SMTNL2: variants seen among roughly 807,000 people sequenced by gnomAD.
SMTNL2 encodes the protein smoothelin like 2.
SMTNL2 carries 43 observed loss-of-function variants against 44.1 expected under a neutral mutation model. The ratio of observed to expected loss-of-function variants is 0.98; its 90% CI spans 0.76 to 1.26. The LOEUF (loss-of-function observed/expected upper bound fraction) is 1.26. SMTNL2 is among the 50% of genes most tolerant of loss of function. SMTNL2 has a pLI of 0.00. For missense variants in SMTNL2, 646 were observed against 670.2 expected (o/e 0.96, Z 0.40); for synonymous variants, 317 against 287.6 (o/e 1.10, Z -1.03).
intron 6 of SMTNL2, 30 bp downstream of exon 6, chr17:4,597,007 G>T (rs1253146015): frequency 6.7e-7 from 1 of 1,482,144 alleles, no homozygotes; most frequent in Non-Finnish European, 9.0e-7. Context: ...CGGCTGCTGG[G>T]ACGCCCCAGC....
rs1909968397 is a variant in SMTNL2, at chr17:4,600,050, T to TCGG, written c.1259+2728_1259+2730dup. ...TCCACCGCAGGCCTGTGCCGGGGGGTCGGGGGAGTTTGCTCAGAGCCTGGG... is the reference window on the plus strand; with the variant it reads ...TCCACCGCAGGCCTGTGCCGGGGGGTCGGCGGGGGAGTTTGCTCAGAGCCTGGG... On this transcript the variant is annotated intron_variant, in intron 7 of 7. Coordinates refer to ENST00000389313, the MANE Select transcript of SMTNL2 (RefSeq NM_001114974.2). The surrounding 1 kb of genome is among the most constrained non-coding windows in gnomAD (Gnocchi z 4.7). Among the ~76,000 whole-genome samples the TCGG allele has an allele frequency of 6.6e-6, 1 of 151,108 alleles. No homozygotes were observed. The highest frequency in any genetic ancestry group is 1.5e-5 in the Non-Finnish European group (1 of 67,806).
At chr17:4,585,246 T>C (rs1909301287) in intron 1 of SMTNL2, among the ~76,000 whole-genome samples, 1 of 152,202 alleles carries the variant, frequency 6.6e-6, no homozygotes, top group African/African-American at 2.4e-5. Context: ...CCAGGCTCTG[T>C]TTGCTCAGAG....
At chr17:4,601,421 A>AG (rs1433768574) in intron 7 of SMTNL2, among the ~76,000 whole-genome samples, 1 of 151,604 alleles carries the variant, frequency 6.6e-6, no homozygotes, top group Non-Finnish European at 1.5e-5. Context: ...TCTCAAAAAA[A>AG]AAAATGTAGT....
rs1372270607 is a variant in SMTNL2 at position 4,600,266 on chromosome 17, C to T, written c.1259+2943C>T. ...AGGGACACCTGCCTGAGGGTACTAG[C>T]TGTCAGTGTCCTCACCGATGTTCCT... On this transcript the variant is annotated intron_variant, in intron 7 of 7. Transcript: ENST00000389313. This position sits in a 1 kb window ranked among gnomAD's most constrained non-coding sequence, Gnocchi z 4.7. Among the ~76,000 whole-genome samples the T allele has an allele frequency of 1.3e-5, 2 of 152,182 alleles. No homozygotes were observed. Among genetic ancestry groups the T allele is most frequent in the South Asian group, 4.1e-4 (2 of 4,836 alleles).
rs760973903 is a variant in SMTNL2 at position 4,607,524 on chromosome 17, G to A, written c.*37G>A. On this transcript the variant is annotated 3_prime_UTR_variant, in exon 8 of 8. Transcript: ENST00000389313. The surrounding 1 kb of genome is among the most constrained non-coding windows in gnomAD (Gnocchi z 4.7). ...CTGGATTGCCAAAGAGCAGCCCCAG[G>A]AAGAGGCCGGGGGTCCGCTTGCGAT... The A allele has an allele frequency of 6.2e-7, 1 of 1,607,018 alleles. No individual in the cohort carries two copies. The highest frequency in any genetic ancestry group is 1.1e-5 in the South Asian group (1 of 90,774).
intron 4 of SMTNL2, 198 bp from the exon 5 acceptor site, chr17:4,594,947 A>T: frequency 1.5e-6 from 1 of 685,384 alleles, no homozygotes. Context: ...AGTTGAGCCT[A>T]TTGGCCAGTC....
At position 4,592,539 on chromosome 17, in the gene SMTNL2, C is replaced by CT; in HGVS notation, c.487+92dup. The stretch of plus-strand genomic sequence containing the variant: ...TATCTGTGCCAGGCTGGCCCTTGGC[C>CT]TGGCATCGGGGGGACTCTATCCTGA... On this transcript the variant is annotated intron_variant, in intron 2 of 7. Coordinates refer to ENST00000389313, the MANE Select transcript of SMTNL2 (RefSeq NM_001114974.2). The surrounding 1 kb of genome is among the most constrained non-coding windows in gnomAD (Gnocchi z 4.5). 2.4e-6 allele frequency: 3 copies of CT among 1,272,562 alleles called. No homozygotes were observed. The highest frequency in any genetic ancestry group is 2.2e-6 in the Non-Finnish European group (2 of 917,468). The allele number at this position is 1,272,562 out of a possible 1,614,324, so 78.8% of individuals were successfully genotyped here.
rs1446796996 is a variant in SMTNL2 at position 4,595,939 on chromosome 17, G to C, written c.989+612G>C. Among the ~76,000 whole-genome samples, 1 of 150,128 alleles carries C rather than the reference G, an allele frequency of 6.7e-6. No homozygotes were observed. Among genetic ancestry groups the C allele is most frequent in the Non-Finnish European group, 1.5e-5 (1 of 67,542 alleles). On this transcript the variant is annotated intron_variant, in intron 5 of 7. Coordinates refer to ENST00000389313, the MANE Select transcript of SMTNL2 (RefSeq NM_001114974.2). The surrounding 1 kb of genome is among the most constrained non-coding windows in gnomAD (Gnocchi z 5.1). ...TGGTATTGATGTCTGCTGTGTGCAG[G>C]GTGTGGCCCAAGCGTGGTATTGATG...
chr17:4,593,370 A>G (rs1324318454), intron 3 of SMTNL2, among the ~76,000 whole-genome samples, 199 bp downstream of exon 3: 1 of 152,256 alleles, frequency 6.6e-6, no homozygotes, highest in African/African-American at 2.4e-5. Context: ...AAATAGCGTC[A>G]TCCCCTGGTG....
At chr17:4,605,188 G>A (rs1270864870) in intron 7 of SMTNL2, among the ~76,000 whole-genome samples, 1 of 137,820 alleles carries the variant, frequency 7.3e-6, no homozygotes, top group African/African-American at 2.8e-5. Flanking sequence ...TTGAGGCAGG[G>A]TCTGGCTCTG....
At position 4,584,710 on chromosome 17, in the gene SMTNL2, GC is replaced by G; in HGVS notation, c.106del (p.Arg36GlyfsTer42). ...CGGTGCGCGCGCTGCACGAGGACAT[GC>G]GGGGGCTGCAGCGCGGCGTGGAGCG... The part of the protein sequence containing the change: ...GAVRALHEDM[R>X]GLQRGVERRV... On this transcript the variant is annotated frameshift_variant, in exon 1 of 8. Coordinates refer to ENST00000389313, the MANE Select transcript of SMTNL2 (RefSeq NM_001114974.2). LOFTEE classifies it high-confidence loss of function. 3 of 1,301,144 alleles carry G rather than the reference GC, an allele frequency of 2.3e-6. No homozygotes were observed. Among genetic ancestry groups the G allele is most frequent in the Non-Finnish European group, 2.9e-6 (3 of 1,028,926 alleles). The allele number at this position is 1,301,144 out of a possible 1,614,324, so 80.6% of individuals were successfully genotyped here. A position where few individuals can be genotyped will look rare whatever the true frequency, so the allele number is the denominator to read the frequency against.
chr17:4,607,798 T>C lies in SMTNL2; in HGVS notation c.*311T>C, dbSNP rs983236879. On this transcript the variant is annotated 3_prime_UTR_variant, in exon 8 of 8. Coordinates refer to ENST00000389313, the MANE Select transcript of SMTNL2 (RefSeq NM_001114974.2). The surrounding 1 kb of genome is among the most constrained non-coding windows in gnomAD (Gnocchi z 4.7). The stretch of plus-strand genomic sequence containing the variant: ...ATGCTTGTGTTTATAGCTTCCAGAA[T>C]GCTAATCTACAATTTTCCCTCTGGT... 6 of 246,784 alleles carry C rather than the reference T, an allele frequency of 2.4e-5. No individual in the cohort carries two copies. Among genetic ancestry groups the C allele is most frequent in the Non-Finnish European group, 4.6e-5 (6 of 129,340 alleles). 15.3% of individuals were successfully genotyped at this position (246,784 alleles called of 1,614,324 possible). A position where few individuals can be genotyped will look rare whatever the true frequency, so the allele number is the denominator to read the frequency against.
In SMTNL2 at chr17:4,593,021, C is replaced by T. The variant is rs1567633503; in HGVS notation, c.580C>T (p.His194Tyr). The T allele has an allele frequency of 6.2e-7, 1 of 1,614,070 alleles. No individual in the cohort carries two copies. ...TGTGAGCCTCTCCTTGCGGCTGCCC[C>T]ACCAGCCAGTCACGGCCATCACCCG... ...RPVSLSLRLP[H>Y]QPVTAITRVS... The change falls in exon 3 of 8, where the codon CAC (histidine) becomes TAC (tyrosine). Residue 194 changes from histidine to tyrosine, a missense_variant. Coordinates refer to ENST00000389313, the MANE Select transcript of SMTNL2 (RefSeq NM_001114974.2).
In SMTNL2 at chr17:4,595,831, C is replaced by T. The variant is rs898929063; in HGVS notation, c.989+504C>T. On this transcript the variant is annotated intron_variant, in intron 5 of 7. Transcript: ENST00000389313. The surrounding 1 kb of genome is among the most constrained non-coding windows in gnomAD (Gnocchi z 5.1). ...GTCTCGAGCGACGGCTCCTCAGGCT[C>T]CAGCCCACCTTTGCATATTCAGCCA... Among the ~76,000 whole-genome samples the T allele has an allele frequency of 1.3e-5, 2 of 152,246 alleles. No homozygotes were observed. Among genetic ancestry groups the T allele is most frequent in the African/African-American group, 4.8e-5 (2 of 41,458 alleles).
chr17:4,589,641 T>C lies in SMTNL2; in HGVS notation c.400-2720T>C, dbSNP rs112817381. 3.0e-3 allele frequency among the ~76,000 whole-genome samples: 458 copies of C among 152,230 alleles called. 3 individuals are homozygous for C. The highest frequency in any genetic ancestry group is 0.011 in the African/African-American group (439 of 41,522). On this transcript the variant is annotated intron_variant, in intron 1 of 7. Coordinates refer to ENST00000389313, the MANE Select transcript of SMTNL2 (RefSeq NM_001114974.2). ...CTGTCTGCTGTGAGCTCCCCAGTGG[T>C]CCCGCTCTGCAGATGCTCCCCTCAC...
rs56017371 is a variant in SMTNL2 at position 4,594,452 on chromosome 17, AAAATAAAT to A, written c.806+576_806+583del. ...TAACAGAGTGAGACTCTATCTACAA[AAAATAAAT>A]AAATAAATAAATAAATAAATGAATA... On this transcript the variant is annotated intron_variant, in intron 4 of 7. Transcript: ENST00000389313. Among the ~76,000 whole-genome samples the A allele has an allele frequency of 8.7e-5, 13 of 149,326 alleles. No individual in the cohort carries two copies. In the South Asian group the frequency reaches 1.3e-3, roughly 15 times the overall value.
rs780984262 is a variant in SMTNL2 at position 4,589,938 on chromosome 17, C to CTTTTTTTTTTTTT, written c.400-2389_400-2377dup. 5.0e-5 allele frequency among the ~76,000 whole-genome samples: 3 copies of CTTTTTTTTTTTTT among 59,792 alleles called. 1 individual carries two copies. Among genetic ancestry groups the CTTTTTTTTTTTTT allele is most frequent in the Non-Finnish European group, 9.1e-5 (3 of 33,060 alleles). The allele number at this position is 59,792 out of a possible 152,430, so 39.2% of individuals were successfully genotyped here. A position where few individuals can be genotyped will look rare whatever the true frequency, so the allele number is the denominator to read the frequency against. ...CCAGGCTGCCTTTGGACGCACCTGG[C>CTTTTTTTTTTTTT]TTTTTTTTTTTTTTTTTTTTTTTTT... is the stretch of plus-strand genomic sequence containing the variant. On this transcript the variant is annotated intron_variant, in intron 1 of 7. Coordinates refer to ENST00000389313, the MANE Select transcript of SMTNL2 (RefSeq NM_001114974.2).
chr17:4,594,710 C>CT (rs200675954), intron 4 of SMTNL2, among the ~76,000 whole-genome samples: 241 of 145,276 alleles, frequency 1.7e-3, no homozygotes, highest in African/African-American at 2.3e-3. Flanking sequence ...GCAGGCTTGG[C>CT]TTTTTTTTTT....
At chr17:4,590,161 TTCACC>T (rs1909515144) in intron 1 of SMTNL2, among the ~76,000 whole-genome samples, 1 of 151,880 alleles carries the variant, frequency 6.6e-6, no homozygotes, top group East Asian at 1.9e-4. Context: ...GAGATGGGGT[TTCACC>T]ACGTTGGCCA....
Sources: allele counts gnomAD v4.1 joint callset (sites outside exome capture counted in the v4.1 genomes callset), GRCh38; gene constraint gnomAD v4.1.1; non-coding constraint Gnocchi (gnomAD v3.1); transcripts MANE v1.5; gene names NCBI Gene and HGNC (gene_info 2026-07-23, HGNC 2026-07-21).